Variants in LIN28B observed in about 807,000 individuals in gnomAD.
LIN28B encodes the protein lin-28 RNA binding posttranscriptional regulator B.
LIN28B carries 5 observed loss-of-function variants against 21.9 expected under a neutral mutation model. The observed-to-expected ratio is 0.23, with a 90% confidence interval of 0.12 to 0.48. The LOEUF is 0.48. Ranked by LOEUF, LIN28B falls within the 20% of genes least tolerant of loss-of-function variation. LIN28B has a pLI of 0.98. For missense variants in LIN28B, 245 were observed against 310.5 expected, an observed-to-expected ratio of 0.79 and a Z score of 1.58; for synonymous variants, 109 against 111.3, an observed-to-expected ratio of 0.98 and a Z score of 0.13.
intron 2 of LIN28B, chr6:104,940,812 C>G (rs914784895): frequency 2.0e-5 from 3 of 151,826 alleles, no homozygotes; most frequent in African/African-American, 7.3e-5. Flanking sequence ...GTTCCGCGTC[C>G]CCTTGCCGGC....
chr6:104,977,584 T>C (rs533013278), intron 2 of LIN28B, among the ~76,000 whole-genome samples: 30 of 152,214 alleles, frequency 2.0e-4, no homozygotes, highest in Non-Finnish European at 3.8e-4. Flanking sequence ...GTTGTTGTTG[T>C]TGAGACAGAC....
At chr6:105,076,938 AT>A in intron 3 of LIN28B, among the ~76,000 whole-genome samples, 1 of 151,622 alleles carries the variant, frequency 6.6e-6, no homozygotes, top group Non-Finnish European at 1.5e-5. Context: ...TTTTAAAAAC[AT>A]TATAACCTGG....
chr6:104,950,416 A>G, intron 2 of LIN28B: 7 of 1,058,466 alleles, frequency 6.6e-6, no homozygotes, highest in Non-Finnish European at 8.4e-6. Flanking sequence ...AGAGGCAATT[A>G]AATAGGCAAT....
chr6:105,055,225 C>T (rs1188847941), intron 3 of LIN28B, among the ~76,000 whole-genome samples: 2 of 152,072 alleles, frequency 1.3e-5, no homozygotes, highest in Admixed American at 6.5e-5. Context: ...TTTTGGCCAT[C>T]ATTTCTTCGT....
chr6:104,994,841 G>A (rs1770566732), intron 2 of LIN28B, among the ~76,000 whole-genome samples: 2 of 152,194 alleles, frequency 1.3e-5, no homozygotes. Context: ...GCTTTAAACT[G>A]ATTCACACGG....
At chr6:105,011,937 A>AT (rs1167590916) in intron 2 of LIN28B, among the ~76,000 whole-genome samples, 1 of 152,174 alleles carries the variant, frequency 6.6e-6, no homozygotes, top group Non-Finnish European at 1.5e-5. Flanking sequence ...AGGCAGGCAG[A>AT]TCACAAGGTC....
chr6:104,973,090 G>A (rs1770013481), intron 2 of LIN28B, among the ~76,000 whole-genome samples: 1 of 150,748 alleles, frequency 6.6e-6, no homozygotes, highest in Admixed American at 6.6e-5. Flanking sequence ...CAGCCTGGGG[G>A]ATAGAGTGAC....
intron 3 of LIN28B, among the ~76,000 whole-genome samples, chr6:105,064,941 A>T (rs1386240257): frequency 6.6e-6 from 1 of 152,212 alleles, no homozygotes; most frequent in African/African-American, 2.4e-5. Context: ...GGCTTACAGA[A>T]TATGTGCAAA....
intron 2 of LIN28B, among the ~76,000 whole-genome samples, chr6:104,959,971 GAAC>G (rs898948197): frequency 7.2e-5 from 11 of 152,078 alleles, no homozygotes; most frequent in South Asian, 2.1e-4. Context: ...TTAATGTTTA[GAAC>G]AACAAGACAT....
intron 3 of LIN28B, among the ~76,000 whole-genome samples, chr6:105,071,040 C>CTA (rs756314294): frequency 5.5e-4 from 84 of 152,206 alleles, no homozygotes; most frequent in Non-Finnish European, 9.4e-4. Flanking sequence ...CCATGCCTGG[C>CTA]TAAGTTTTGT....
At chr6:104,986,908 A>G (rs959690357) in intron 2 of LIN28B, among the ~76,000 whole-genome samples, 1 of 152,202 alleles carries the variant, frequency 6.6e-6, no homozygotes, top group Non-Finnish European at 1.5e-5. Flanking sequence ...CACACTTACT[A>G]GGGTCAACGA....
At chr6:104,958,313 T>C in intron 2 of LIN28B, 27 bp downstream of exon 2, 1 of 1,525,168 alleles carries the variant, frequency 6.6e-7, no homozygotes, top group African/African-American at 1.4e-5. Flanking sequence ...TGTCCCCCTC[T>C]TCATCTTTTT....
intron 3 of LIN28B, among the ~76,000 whole-genome samples, chr6:105,040,186 A>G (rs1771604201): frequency 6.6e-6 from 1 of 152,126 alleles, no homozygotes; most frequent in Non-Finnish European, 1.5e-5. Flanking sequence ...TATAGATTTT[A>G]TGAAGTTAAA....
intron 2 of LIN28B, among the ~76,000 whole-genome samples, chr6:105,025,530 A>G (rs1771270178): frequency 1.3e-5 from 2 of 152,218 alleles, no homozygotes; most frequent in African/African-American, 4.8e-5. Flanking sequence ...TGTATATACC[A>G]GAAAACTTTG....
rs559132780 is a variant in LIN28B at position 104,967,533 on chromosome 6, A to G, written c.198+9247A>G. Among the ~76,000 whole-genome samples, 3 of 144,450 alleles carry G rather than the reference A, an allele frequency of 2.1e-5. No homozygotes were observed. In the South Asian group the frequency reaches 6.7e-4, roughly 32 times the overall value. The allele number at this position is 144,450 out of a possible 152,430, so 94.8% of individuals were successfully genotyped here. On this transcript the variant is annotated intron_variant, in intron 2 of 3. Coordinates refer to ENST00000345080, the MANE Select transcript of LIN28B (RefSeq NM_001004317.4). ...GAGGTGGAGGTTGCAGAGAACCGAG[A>G]TCATGCCATTGCACTCCAGGCGACA... is the stretch of plus-strand genomic sequence containing the variant.
intron 2 of LIN28B, among the ~76,000 whole-genome samples, chr6:104,978,255 G>A (rs1192745167): frequency 6.6e-6 from 1 of 152,110 alleles, no homozygotes; most frequent in East Asian, 1.9e-4. Flanking sequence ...TTCATTGGAG[G>A]GGAAGGATCT....
At chr6:104,966,253 C>T (rs1030665241) in intron 2 of LIN28B, among the ~76,000 whole-genome samples, 2 of 152,124 alleles carry the variant, frequency 1.3e-5, no homozygotes, top group African/African-American at 4.8e-5. Flanking sequence ...TAACTTTTGG[C>T]TGGTCACTTC....
chr6:105,007,842 C>T (rs1046081181), intron 2 of LIN28B, among the ~76,000 whole-genome samples: 5 of 152,142 alleles, frequency 3.3e-5, no homozygotes, highest in Non-Finnish European at 7.4e-5. Context: ...AAGGGTCTCA[C>T]TGTGTTGCCC....
intron 2 of LIN28B, among the ~76,000 whole-genome samples, chr6:104,948,122 G>C (rs1169691485): frequency 6.6e-6 from 1 of 151,916 alleles, no homozygotes; most frequent in African/African-American, 2.4e-5. Context: ...TTAGGTTTTT[G>C]TTTTCTAAGA....
Sources: gnomAD v4.1 joint callset for allele counts (sites outside exome capture counted in the v4.1 genomes callset) on GRCh38, gnomAD v4.1.1 for gene constraint, MANE v1.5 for transcripts, NCBI Gene and HGNC (gene_info 2026-07-23, HGNC 2026-07-21) for gene names.